ROBO1: variants seen among roughly 807,000 people sequenced by gnomAD.
ROBO1 encodes the protein roundabout guidance receptor 1.
Under a neutral mutation model 195.9 loss-of-function variants are expected in ROBO1, and 149 were observed. The ratio of observed to expected loss-of-function variants is 0.76; its 90% CI spans 0.67 to 0.87. The LOEUF (loss-of-function observed/expected upper bound fraction) is 0.87, where lower values mean the gene tolerates loss of function less well. ROBO1 is among the 40% of genes least tolerant of loss of function. The probability of loss-of-function intolerance (pLI) is 0.00; values close to 1 mark genes in which losing one functional copy is unlikely to be tolerated. For synonymous variants in ROBO1, 816 were observed against 733.2 expected (o/e 1.11, Z -1.82); for missense variants, 1,933 against 2,068.3 (o/e 0.93, Z 1.27).
intron 2 of ROBO1, among the ~76,000 whole-genome samples, chr3:79,138,995 C>CA (rs1302763179): frequency 1.5e-4 from 22 of 151,382 alleles, no homozygotes; most frequent in African/African-American, 5.1e-4. Flanking sequence ...TTACAATTCT[C>CA]AAAAAAAGTA....
At position 79,019,586 on chromosome 3, in the gene ROBO1, G is replaced by A. The variant is rs565520349; in HGVS notation, c.173-80659C>T. The A allele has an allele frequency of 7.1e-6, 7 of 980,280 alleles. No individual in the cohort carries two copies. In the African/African-American group the frequency reaches 1.0e-4, roughly 15 times the overall value. 60.7% of individuals were successfully genotyped at this position (980,280 alleles called of 1,614,324 possible). ...ACTCTATTCTCCAGGCGCTGGTCAGGCAAGTTCTGCTCCTCAATATTTCCA... is the reference window on the plus strand; with the variant it reads ...ACTCTATTCTCCAGGCGCTGGTCAGACAAGTTCTGCTCCTCAATATTTCCA... On this transcript the variant is annotated intron_variant, in intron 3 of 30. Coordinates refer to ENST00000464233, the MANE Select transcript of ROBO1 (RefSeq NM_002941.4).
At chr3:78,952,211 C>T (rs2040827803) in intron 3 of ROBO1, among the ~76,000 whole-genome samples, 1 of 151,312 alleles carries the variant, frequency 6.6e-6, no homozygotes, top group African/African-American at 2.4e-5. Flanking sequence ...ATTAATGTAT[C>T]TTGCAGCACA....
intron 4 of ROBO1, among the ~76,000 whole-genome samples, chr3:78,907,747 G>C (rs1462560476): frequency 6.6e-6 from 1 of 151,986 alleles, no homozygotes; most frequent in Non-Finnish European, 1.5e-5. Flanking sequence ...TCAATAGAAA[G>C]TAATATCAGG....
Position 78,670,204 on chromosome 3 carries a change from G to A in ROBO1, c.1440C>T (p.Gly480=). 6.2e-7 allele frequency: 1 copy of A among 1,610,772 alleles called. No individual in the cohort carries two copies. The highest frequency in any genetic ancestry group is 8.5e-7 in the Non-Finnish European group (1 of 1,178,496). ...GTFVLSCVAT[G]SPVPTILWRK... Reference sequence around the variant, plus strand: ...TCCACAGAATGGTGGGCACTGGACTGCCTGTGGCCACACAGCTGAGGACGA... The same window carrying A: ...TCCACAGAATGGTGGGCACTGGACTACCTGTGGCCACACAGCTGAGGACGA... The change falls in exon 11 of 31, where the codon GGC becomes GGT. Residue 480 remains glycine (G), a synonymous_variant. Coordinates refer to ENST00000464233, the MANE Select transcript of ROBO1 (RefSeq NM_002941.4).
At chr3:79,014,844 A>G (rs1001215784) in intron 3 of ROBO1, among the ~76,000 whole-genome samples, 1 of 152,224 alleles carries the variant, frequency 6.6e-6, no homozygotes, top group Non-Finnish European at 1.5e-5. Flanking sequence ...TCACCTTAAC[A>G]TCTTTTATTA....
chr3:79,664,612 G>A (rs1037170312), intron 1 of ROBO1, among the ~76,000 whole-genome samples: 4 of 151,916 alleles, frequency 2.6e-5, no homozygotes, highest in East Asian at 3.9e-4. Flanking sequence ...GGCAGCTATC[G>A]TCTTCTTACT....
chr3:79,406,831 T>G (rs1384268941), intron 2 of ROBO1, among the ~76,000 whole-genome samples: 1 of 152,186 alleles, frequency 6.6e-6, no homozygotes, highest in African/African-American at 2.4e-5. Context: ...TTGTTTTTTT[T>G]CCTTTCCACA....
intron 4 of ROBO1, among the ~76,000 whole-genome samples, chr3:78,809,264 G>C (rs2084650889): frequency 6.6e-6 from 1 of 152,114 alleles, no homozygotes; most frequent in Non-Finnish European, 1.5e-5. Flanking sequence ...CTGGTCATTA[G>C]AGAAACGCAA....
At chr3:79,262,172 T>C (rs2082950977) in intron 2 of ROBO1, among the ~76,000 whole-genome samples, 1 of 152,036 alleles carries the variant, frequency 6.6e-6, no homozygotes, top group Non-Finnish European at 1.5e-5. Context: ...GGTAACTCAT[T>C]TGACATTTAC....
At chr3:79,063,541 G>C (rs1256575167) in intron 3 of ROBO1, among the ~76,000 whole-genome samples, 1 of 145,762 alleles carries the variant, frequency 6.9e-6, no homozygotes, top group African/African-American at 2.5e-5. Flanking sequence ...ACCTACTTCA[G>C]TTTACCAGTG....
intron 8 of ROBO1, among the ~76,000 whole-genome samples, chr3:78,707,670 A>G (rs1236500628): frequency 2.0e-5 from 3 of 152,186 alleles, no homozygotes; most frequent in African/African-American, 7.2e-5. Context: ...CATTCATCTG[A>G]TAACAGAGCA....
At chr3:79,313,994 T>C (rs968163017) in intron 2 of ROBO1, among the ~76,000 whole-genome samples, 4 of 152,172 alleles carry the variant, frequency 2.6e-5, no homozygotes, top group Non-Finnish European at 4.4e-5. Flanking sequence ...AAAGATGTTA[T>C]TCCTTTTGTT....
At chr3:79,074,575 G>A (rs1280400539) in intron 3 of ROBO1, among the ~76,000 whole-genome samples, 1 of 150,836 alleles carries the variant, frequency 6.6e-6, no homozygotes, top group African/African-American at 2.5e-5. Flanking sequence ...ATGCCACCAT[G>A]TTCAGCTCAT....
intron 3 of ROBO1, among the ~76,000 whole-genome samples, chr3:79,100,519 T>A (rs2079656081): frequency 6.6e-6 from 1 of 151,452 alleles, no homozygotes; most frequent in African/African-American, 2.4e-5. Context: ...GGGAATCAAT[T>A]AAAAAAAACT....
chr3:79,541,959 A>G (rs1942088536), intron 2 of ROBO1, among the ~76,000 whole-genome samples: 2 of 151,584 alleles, frequency 1.3e-5, no homozygotes, highest in South Asian at 4.1e-4. Flanking sequence ...TATATAATTT[A>G]ACCAAAACGA....
chr3:78,946,794 C>T (rs906610980), intron 3 of ROBO1, among the ~76,000 whole-genome samples: 12 of 152,106 alleles, frequency 7.9e-5, no homozygotes, highest in African/African-American at 2.9e-4. Flanking sequence ...CGTGCAGAGA[C>T]ACACATAGGC....
chr3:78,811,286 G>A (rs1026829895), intron 4 of ROBO1, among the ~76,000 whole-genome samples: 2 of 152,216 alleles, frequency 1.3e-5, no homozygotes, highest in Admixed American at 6.5e-5. Context: ...AACTAAAGTT[G>A]GTTCAAGTTC....
At chr3:79,332,815 G>A (rs772418435) in intron 2 of ROBO1, among the ~76,000 whole-genome samples, 14 of 152,184 alleles carry the variant, frequency 9.2e-5, no homozygotes, top group Non-Finnish European at 1.5e-5. Context: ...AGGTGTTCTT[G>A]GCACTGGAGA....
intron 2 of ROBO1, among the ~76,000 whole-genome samples, chr3:79,231,832 A>C (rs1468643852): frequency 6.6e-6 from 1 of 152,150 alleles, no homozygotes; most frequent in Admixed American, 6.6e-5. Flanking sequence ...ATCAATGGGT[A>C]GACTGGATAA....
Sources: allele counts gnomAD v4.1 joint callset (sites outside exome capture counted in the v4.1 genomes callset), GRCh38; gene constraint gnomAD v4.1.1; transcripts MANE v1.5; gene names NCBI Gene and HGNC (gene_info 2026-07-23, HGNC 2026-07-21).